Variants in GNL3L observed in about 807,000 individuals in gnomAD.
GNL3L encodes G protein nucleolar 3 like, also known as guanine nucleotide-binding protein-like 3-like protein.
Under a neutral mutation model 42.9 loss-of-function variants are expected in GNL3L, and 4 were observed. The observed-to-expected ratio is 0.09, with a 90% confidence interval of 0.05 to 0.21. The LOEUF is 0.21. Ranked by LOEUF, GNL3L falls within the 10% of genes least tolerant of loss-of-function variation. The probability of loss-of-function intolerance (pLI) is 1.00; values close to 1 mark genes in which losing one functional copy is unlikely to be tolerated. For synonymous variants in GNL3L, 159 were observed against 176.3 expected, an observed-to-expected ratio of 0.90 and a Z score of 0.78; for missense variants, 412 against 481.7, an observed-to-expected ratio of 0.86 and a Z score of 1.36.
At position 54,566,999 on chromosome X, in the gene GNL3L, C is replaced by T. The variant is rs1185380521; in HGVS notation, c.*6397C>T. ...TTGTGTTACATCAGAGGAGTCTTTGCTTAACATGAGATGACAAAGGTTTTC... is the reference window on the plus strand; with the variant it reads ...TTGTGTTACATCAGAGGAGTCTTTGTTTAACATGAGATGACAAAGGTTTTC... On this transcript the variant is annotated 3_prime_UTR_variant, in exon 16 of 16. Transcript: ENST00000360845. 8.9e-6 allele frequency among the ~76,000 whole-genome samples: 1 copy of T among 112,075 alleles called. No homozygotes were observed. Among genetic ancestry groups the T allele is most frequent in the Non-Finnish European group, 1.9e-5 (1 of 53,223 alleles).
chrX:54,593,830 A>G (rs1049164178), intron 16 of GNL3L, among the ~76,000 whole-genome samples: 2 of 111,068 alleles, frequency 1.8e-5, no homozygotes, highest in African/African-American at 6.5e-5. Flanking sequence ...AAATTCATCA[A>G]TTTTCTTCTT....
chrX:54,546,701 G>A (rs1318819548), intron 8 of GNL3L, among the ~76,000 whole-genome samples: 1 of 111,618 alleles, frequency 9.0e-6, no homozygotes, highest in Non-Finnish European at 1.9e-5. Context: ...GGCCGGAGTG[G>A]GATGGCACGA....
chrX:54,536,403 G>A (rs1167362124), intron 2 of GNL3L, among the ~76,000 whole-genome samples: 4 of 110,906 alleles, frequency 3.6e-5, no homozygotes, highest in Non-Finnish European at 7.5e-5. Flanking sequence ...GTAGATTTCC[G>A]TAGATTTCCT....
the GNL3L span, among the ~76,000 whole-genome samples, chrX:54,627,925 T>A: frequency 2.5e-3 from 279 of 110,505 alleles, 1 homozygote; most frequent in African/African-American, 8.7e-3. Flanking sequence ...TAGTGGTGAT[T>A]TCTAAGCTTC....
At chrX:54,641,656 C>G in the GNL3L span, among the ~76,000 whole-genome samples, 1 of 112,033 alleles carries the variant, frequency 8.9e-6, no homozygotes, top group Non-Finnish European at 1.9e-5. Flanking sequence ...GATACAGCAC[C>G]TGATCCAAGG....
At chrX:54,614,743 G>A (rs982913218) in intron 16 of GNL3L, among the ~76,000 whole-genome samples, 1 of 111,521 alleles carries the variant, frequency 9.0e-6, no homozygotes, top group African/African-American at 3.3e-5. Flanking sequence ...TCCCATTTCC[G>A]CTGTTCGGGC....
chrX:54,545,649 A>AG (rs1186358316), intron 8 of GNL3L, among the ~76,000 whole-genome samples: 2 of 112,089 alleles, frequency 1.8e-5, no homozygotes, highest in Non-Finnish European at 3.8e-5. Context: ...TGTTTCTGGG[A>AG]GAAAAATTGG....
chrX:54,640,711 T>C, the GNL3L span, among the ~76,000 whole-genome samples: 2 of 112,309 alleles, frequency 1.8e-5, no homozygotes, highest in African/African-American at 6.5e-5. Flanking sequence ...TGTTTTAGGC[T>C]CTTGTCGACC....
intron 16 of GNL3L, among the ~76,000 whole-genome samples, chrX:54,604,587 TG>T (rs759930351): frequency 1.8e-5 from 2 of 111,736 alleles, no homozygotes; most frequent in East Asian, 5.7e-4. Context: ...GGAATGAGCT[TG>T]GGATTTTTAG....
At chrX:54,575,036 C>T (rs1366793956) in intron 16 of GNL3L, among the ~76,000 whole-genome samples, 2 of 111,709 alleles carry the variant, frequency 1.8e-5, no homozygotes, top group African/African-American at 6.5e-5. Flanking sequence ...AAAGTTTTGT[C>T]AAATTTGTTG....
the GNL3L span, among the ~76,000 whole-genome samples, chrX:54,641,997 T>A: frequency 8.9e-6 from 1 of 112,059 alleles, no homozygotes; most frequent in Non-Finnish European, 1.9e-5. Context: ...CCATGCCTCA[T>A]CCAGAAATTT....
rs770609690 is a variant in GNL3L, at chrX:54,551,534, AGG to A, written c.864-33_864-32del. 4 of 1,176,924 alleles carry A rather than the reference AGG, an allele frequency of 3.4e-6. No individual in the cohort carries two copies. The East Asian group carries it at 8.9e-5, about 26-fold the overall frequency. On this transcript the variant is annotated intron_variant, in intron 10 of 15. Transcript: ENST00000360845. The stretch of plus-strand genomic sequence containing the variant: ...TCGTGATTGGGGCCTCTACGATGCC[AGG>A]TACATCTGGGCTTTCTTCTTCCCCG...
At chrX:54,588,891 A>T (rs750089455) in intron 16 of GNL3L, among the ~76,000 whole-genome samples, 1 of 112,527 alleles carries the variant, frequency 8.9e-6, no homozygotes, top group South Asian at 3.6e-4. Context: ...TTTTTATTCA[A>T]TTCAATTTTT....
chrX:54,594,571 A>G (rs1310091707), intron 16 of GNL3L, among the ~76,000 whole-genome samples: 1 of 106,878 alleles, frequency 9.4e-6, no homozygotes, highest in Non-Finnish European at 1.9e-5. Context: ...AAATCTATTC[A>G]GCCACTCTGT....
intron 16 of GNL3L, among the ~76,000 whole-genome samples, chrX:54,598,780 CAG>C (rs1207249009): frequency 2.7e-5 from 3 of 111,332 alleles, no homozygotes; most frequent in Non-Finnish European, 5.7e-5. Context: ...TTATTGAACT[CAG>C]TGAGTTTGAA....
chrX:54,607,008 CTTTCTTTCTT>C (rs775040973), intron 16 of GNL3L, among the ~76,000 whole-genome samples: 1,084 of 37,191 alleles, frequency 0.029, 62 homozygotes, highest in Admixed American at 0.07. Context: ...TTCTTTCTTT[CTTTCTTTCTT>C]TCTTTCTTTC....
rs1433469918 is a variant in GNL3L at position 54,607,039 on chromosome X, T to C, written c.*46-13806T>C. ...TTCTTTCTTTCTTTCTTTCTTTCTT[T>C]CTTTCTTTCTTTCTTTCTTTCTTTC... On this transcript the variant is annotated intron_variant, in intron 16 of 16. Coordinates refer to the GNL3L transcript ENST00000674498. Among the ~76,000 whole-genome samples the C allele has an allele frequency of 5.6e-5, 4 of 71,032 alleles. No individual in the cohort carries two copies. The South Asian group carries it at 2.2e-3, about 38-fold the overall frequency. The allele number at this position is 71,032 out of a possible 115,157, so 61.7% of individuals were successfully genotyped here.
chrX:54,543,025 A>G lies in GNL3L; in HGVS notation c.377A>G (p.Lys126Arg). 1 of 1,175,363 alleles carries G rather than the reference A, an allele frequency of 8.5e-7. No homozygotes were observed. Among genetic ancestry groups the G allele is most frequent in the Non-Finnish European group, 1.2e-6 (1 of 862,410 alleles). ...DDEATRKAYY[K>R]EFRKVVEYSD... ...GAGGCCACGAGGAAGGCTTATTACA[A>G]GGAGTTCCGTAAGGTACAGGGTTCC... The change falls in exon 6 of 16, where the codon AAG (lysine) becomes AGG (arginine). Residue 126 changes from lysine to arginine, a missense_variant. Transcript: ENST00000360845.
Position 54,562,325 on chromosome X carries a change from C to T in GNL3L, c.*1723C>T, listed in dbSNP as rs1447872976. Among the ~76,000 whole-genome samples the T allele has an allele frequency of 8.9e-6, 1 of 112,330 alleles. No homozygotes were observed. Among genetic ancestry groups the T allele is most frequent in the African/African-American group, 3.2e-5 (1 of 30,915 alleles). On this transcript the variant is annotated 3_prime_UTR_variant, in exon 16 of 16. Coordinates refer to ENST00000360845, the MANE Select transcript of GNL3L (RefSeq NM_001184819.2). The stretch of plus-strand genomic sequence containing the variant: ...CCTCCCAAAGTGCTGGGATTATAGG[C>T]GTGAGCCACTGTGCCCAGCCTCACA...
Sources: allele counts gnomAD v4.1 joint callset (sites outside exome capture counted in the v4.1 genomes callset), GRCh38; gene constraint gnomAD v4.1.1; transcripts MANE v1.5; gene names NCBI Gene and HGNC (gene_info 2026-07-23, HGNC 2026-07-21).